CATSPERT: variants seen among roughly 807,000 people sequenced by gnomAD.
CATSPERT encodes the protein cation channel sperm-associated targeting subunit tau.
chr2:201,611,539 T>C, the CATSPERT span, among the ~76,000 whole-genome samples: 1 of 152,134 alleles, frequency 6.6e-6, no homozygotes, highest in Non-Finnish European at 1.5e-5. Flanking sequence ...AACCTAACTT[T>C]ACACTTTTAA....
At chr2:201,547,586 A>G in the CATSPERT span, 8 of 1,528,872 alleles carry the variant, frequency 5.2e-6, no homozygotes, top group Non-Finnish European at 7.1e-6. Context: ...TCAGATTTCT[A>G]TATTCTTTTT....
the CATSPERT span, among the ~76,000 whole-genome samples, chr2:201,605,481 C>T: frequency 5.3e-5 from 8 of 151,972 alleles, no homozygotes; most frequent in Non-Finnish European, 1.0e-4. Context: ...CCAGAAAAAC[C>T]GAAGAGAACA....
the CATSPERT span, among the ~76,000 whole-genome samples, chr2:201,572,790 GTGGCT>G: frequency 6.6e-6 from 1 of 152,056 alleles, no homozygotes; most frequent in Non-Finnish European, 1.5e-5. Context: ...CTTGTTCCTT[GTGGCT>G]TTCATCTGTA....
chr2:201,581,477 AATATATATATATATAT>A, the CATSPERT span, among the ~76,000 whole-genome samples: 672 of 14,844 alleles, frequency 0.045, 25 homozygotes, highest in Middle Eastern at 0.17. Flanking sequence ...CACATTCCGG[AATATATATATATATAT>A]ATATATATAT....
At chr2:201,568,976 A>G in the CATSPERT span, among the ~76,000 whole-genome samples, 4 of 152,192 alleles carry the variant, frequency 2.6e-5, no homozygotes, top group Non-Finnish European at 5.9e-5. Context: ...GTTGAGCTCC[A>G]TAAATCCTTA....
chr2:201,608,934 A>G, the CATSPERT span, among the ~76,000 whole-genome samples: 1 of 152,116 alleles, frequency 6.6e-6, no homozygotes, highest in Non-Finnish European at 1.5e-5. Flanking sequence ...TGCTGCCTAT[A>G]AGAAACTCAT....
the CATSPERT span, among the ~76,000 whole-genome samples, chr2:201,591,643 T>C: frequency 1.8e-3 from 277 of 152,308 alleles, no homozygotes; most frequent in Non-Finnish European, 3.5e-3. Context: ...CATTTGTTTG[T>C]ATCCTCTTTT....
At chr2:201,595,311 C>G in the CATSPERT span, among the ~76,000 whole-genome samples, 1 of 151,678 alleles carries the variant, frequency 6.6e-6, no homozygotes, top group African/African-American at 2.4e-5. Flanking sequence ...GCCTCAGCCT[C>G]CCGAGTAGCT....
chr2:201,492,527 T>G, the CATSPERT span: 1 of 1,536,096 alleles, frequency 6.5e-7, no homozygotes, highest in Non-Finnish European at 8.7e-7. Context: ...TGAAAAGATA[T>G]TGAGACACTT....
At chr2:201,613,776 G>A in the CATSPERT span, among the ~76,000 whole-genome samples, 2 of 152,142 alleles carry the variant, frequency 1.3e-5, no homozygotes, top group South Asian at 4.1e-4. Flanking sequence ...AAAGGAGGAT[G>A]TTCGAACCCA....
At chr2:201,542,984 G>C in the CATSPERT span, among the ~76,000 whole-genome samples, 1 of 152,114 alleles carries the variant, frequency 6.6e-6, no homozygotes, top group African/African-American at 2.4e-5. Flanking sequence ...ACAGTTTCCA[G>C]TCTTACATTT....
At chr2:201,502,767 G>A in the CATSPERT span, among the ~76,000 whole-genome samples, 1 of 151,940 alleles carries the variant, frequency 6.6e-6, no homozygotes, top group Non-Finnish European at 1.5e-5. Flanking sequence ...AGATATGTGG[G>A]TTTATAGTTT....
chr2:201,610,536 G>A, the CATSPERT span, among the ~76,000 whole-genome samples: 29 of 151,090 alleles, frequency 1.9e-4, no homozygotes, highest in African/African-American at 5.6e-4. Flanking sequence ...CCAAACTCTC[G>A]AAGAAGAACT....
chr2:201,607,916 C>T, the CATSPERT span, among the ~76,000 whole-genome samples: 2 of 152,120 alleles, frequency 1.3e-5, no homozygotes, highest in South Asian at 2.1e-4. Context: ...AACTCTACCA[C>T]CTTAATTTTG....
the CATSPERT span, among the ~76,000 whole-genome samples, chr2:201,559,038 G>A: frequency 0.055 from 8,365 of 152,240 alleles, 280 homozygotes; most frequent in African/African-American, 0.08. Flanking sequence ...CCAAACTGCT[G>A]CATGCCCCCA....
the CATSPERT span, chr2:201,535,498 A>C: frequency 6.6e-5 from 60 of 915,024 alleles, no homozygotes; most frequent in East Asian, 6.0e-3. Context: ...TATTTCCTAT[A>C]ATATAATAGT....
At chr2:201,530,537 G>A in the CATSPERT span, among the ~76,000 whole-genome samples, 3 of 151,762 alleles carry the variant, frequency 2.0e-5, no homozygotes, top group Non-Finnish European at 4.4e-5. Flanking sequence ...GAGAGATTAC[G>A]GCATATTTCC....
the CATSPERT span, among the ~76,000 whole-genome samples, chr2:201,613,121 G>A: frequency 1.3e-5 from 2 of 152,186 alleles, no homozygotes; most frequent in African/African-American, 4.8e-5. Flanking sequence ...TCCACCTCTG[G>A]GGGGCAGGGC....
the CATSPERT span, among the ~76,000 whole-genome samples, chr2:201,563,316 G>A: frequency 7.8e-5 from 10 of 128,640 alleles, no homozygotes; most frequent in African/African-American, 2.4e-4. Context: ...CCGGGCGGGG[G>A]GCTGACCCCC....
Sources: allele counts gnomAD v4.1 joint callset (sites outside exome capture counted in the v4.1 genomes callset), GRCh38; gene constraint gnomAD v4.1.1; transcripts MANE v1.5; gene names NCBI Gene and HGNC (gene_info 2026-07-23, HGNC 2026-07-21).